The following P2RX4 variants were observed in gnomAD, a reference collection of about 807,000 sequenced individuals.
The protein encoded by P2RX4 is purinergic receptor P2X 4, also known as P2X purinoceptor 4.
A neutral mutation model predicts 48.0 loss-of-function variants in P2RX4; 37 were observed. That is an observed-to-expected ratio of 0.77 (90% confidence interval 0.59 to 1.01). The LOEUF (loss-of-function observed/expected upper bound fraction) is 1.01, where lower values mean the gene tolerates loss of function less well. Ranked by LOEUF, P2RX4 falls within the 50% of genes least tolerant of loss-of-function variation. The probability of loss-of-function intolerance (pLI) is 0.00; values close to 1 mark genes in which losing one functional copy is unlikely to be tolerated. For synonymous variants in P2RX4, 200 were observed against 199.7 expected, an observed-to-expected ratio of 1.00 and a Z score of -0.01; for missense variants, 501 against 521.4, an observed-to-expected ratio of 0.96 and a Z score of 0.38.
At chr12:121,224,990 G>C (rs185656689) in intron 5 of P2RX4, among the ~76,000 whole-genome samples, 2 of 152,296 alleles carry the variant, frequency 1.3e-5, no homozygotes, top group African/African-American at 2.4e-5. Flanking sequence ...CTCTGGCCAC[G>C]CGTGGCTATT....
chr12:121,220,928 T>C (rs1303466024), intron 2 of P2RX4, among the ~76,000 whole-genome samples: 1 of 152,128 alleles, frequency 6.6e-6, no homozygotes, highest in East Asian at 1.9e-4. Flanking sequence ...CAGCATCATG[T>C]TTTTGGGGTT....
At chr12:121,220,804 C>G (rs571407624) in intron 2 of P2RX4, among the ~76,000 whole-genome samples, 26 of 152,286 alleles carry the variant, frequency 1.7e-4, no homozygotes, top group Admixed American at 7.2e-4. Context: ...TTCCCCACTT[C>G]TCTCACTCCC....
intron 11 of P2RX4, 107 bp from the exon 12 acceptor site, chr12:121,233,416 G>A (rs944520120): frequency 3.2e-6 from 4 of 1,241,142 alleles, no homozygotes; most frequent in Non-Finnish European, 4.6e-6. Flanking sequence ...CCAGGCCTGG[G>A]ACCAACTTGA....
At position 121,233,607 on chromosome 12, in the gene P2RX4, G is replaced by A; in HGVS notation, c.*58G>A. The A allele has an allele frequency of 6.3e-7, 1 of 1,582,582 alleles. No individual in the cohort carries two copies. The highest frequency in any genetic ancestry group is 1.1e-5 in the South Asian group (1 of 87,298). ...CATCAAAGAACAGAGAGGAGGAGGAGGGAGAAATGGCCACCACATCACCCC... is the reference window on the plus strand; with the variant it reads ...CATCAAAGAACAGAGAGGAGGAGGAAGGAGAAATGGCCACCACATCACCCC... On this transcript the variant is annotated 3_prime_UTR_variant, in exon 12 of 12. Transcript: ENST00000337233.
intron 1 of P2RX4, among the ~76,000 whole-genome samples, chr12:121,210,988 A>G (rs1885798567): frequency 6.6e-6 from 1 of 152,014 alleles, no homozygotes; most frequent in South Asian, 2.1e-4. Flanking sequence ...TCTTTTGATC[A>G]CTATGCGGTG....
chr12:121,212,197 T>C (rs764299483), intron 1 of P2RX4, among the ~76,000 whole-genome samples: 1 of 152,184 alleles, frequency 6.6e-6, no homozygotes, highest in Non-Finnish European at 1.5e-5. Context: ...AGGTTTGGCT[T>C]CCAATATCTG....
Position 121,229,724 on chromosome 12 carries a change from C to G in P2RX4, c.884+625C>G, listed in dbSNP as rs1887220396. The stretch of plus-strand genomic sequence containing the variant: ...AGGCATCAGCAGGGCTGTGCTCGCT[C>G]TGAAGGCTCTGGAGAGAGTCCTTAC... On this transcript the variant is annotated intron_variant, in intron 8 of 11. Transcript: ENST00000337233. This position sits in a 1 kb window ranked among gnomAD's most constrained non-coding sequence, Gnocchi z 4.6. Among the ~76,000 whole-genome samples the G allele has an allele frequency of 6.6e-6, 1 of 152,206 alleles. No homozygotes were observed. The highest frequency in any genetic ancestry group is 1.9e-4 in the East Asian group (1 of 5,208).
intron 5 of P2RX4, 39 bp downstream of exon 5, chr12:121,223,082 T>C: frequency 7.4e-7 from 1 of 1,344,734 alleles, no homozygotes; most frequent in Non-Finnish European, 1.1e-6. Context: ...CTTTTTGTTT[T>C]GTTTTGTTTT....
In P2RX4 at chr12:121,229,152, C is replaced by T. The variant is rs928467347; in HGVS notation, c.884+53C>T. On this transcript the variant is annotated intron_variant, in intron 8 of 11. Transcript: ENST00000337233. This position sits in a 1 kb window ranked among gnomAD's most constrained non-coding sequence, Gnocchi z 4.6. ...ATGTTGTAGGGGGTGCTGGTGGCTG[C>T]GTACGTGCCAGTGGGCCGCCCACTG... is the stretch of plus-strand genomic sequence containing the variant. 38 of 1,606,202 alleles carry T rather than the reference C, an allele frequency of 2.4e-5. No individual in the cohort carries two copies. In the Admixed American group the frequency reaches 3.3e-4, roughly 14 times the overall value.
At chr12:121,225,172 A>G (rs926281118) in intron 5 of P2RX4, among the ~76,000 whole-genome samples, 1 of 149,022 alleles carries the variant, frequency 6.7e-6, no homozygotes, top group Non-Finnish European at 1.5e-5. Flanking sequence ...TCCCGGGTTC[A>G]AGTGATTCTC....
Position 121,234,043 on chromosome 12 carries a change from TCTC to T in P2RX4, c.*498_*500del. The T allele has an allele frequency of 5.2e-6, 1 of 190,930 alleles. No homozygotes were observed. The highest frequency in any genetic ancestry group is 1.1e-4 in the South Asian group (1 of 9,016). The allele number at this position is 190,930 out of a possible 1,614,324, so 11.8% of individuals were successfully genotyped here. A position where few individuals can be genotyped will look rare whatever the true frequency, so the allele number is the denominator to read the frequency against. On this transcript the variant is annotated 3_prime_UTR_variant, in exon 12 of 12. Coordinates refer to ENST00000337233, the MANE Select transcript of P2RX4 (RefSeq NM_002560.3). ...GCAGCCATGCGGCAGAGCTGGCATTTCTCCTCAGAGAAGCGCTGTGCTAAGGTG... is the reference window on the plus strand; with the variant it reads ...GCAGCCATGCGGCAGAGCTGGCATTTCTCAGAGAAGCGCTGTGCTAAGGTG...
At chr12:121,227,501 G>A (rs965986800) in intron 5 of P2RX4, among the ~76,000 whole-genome samples, 1 of 152,210 alleles carries the variant, frequency 6.6e-6, no homozygotes, top group African/African-American at 2.4e-5. Context: ...GCTTTGACCT[G>A]TAAAACCGGA....
chr12:121,213,390 C>T (rs1020509231), intron 1 of P2RX4: 2 of 151,932 alleles, frequency 1.3e-5, no homozygotes, highest in Non-Finnish European at 2.9e-5. Flanking sequence ...ATCACACCAC[C>T]CTCCAGCCTG....
In P2RX4 at chr12:121,229,052, C is replaced by T. The variant is rs753379985; in HGVS notation, c.837C>T (p.Leu279=). ...LCLPRYSFRR[L]DTRDVEHNVS... ...TGCCCAGGTACTCCTTCCGCCGCCT[C>T]GATACACGGGACGTTGAGCACAACG... Residue 279 remains leucine, a synonymous_variant, in exon 8 of 12, where the codon CTC becomes CTT. Coordinates refer to ENST00000337233, the MANE Select transcript of P2RX4 (RefSeq NM_002560.3). This position sits in a 1 kb window ranked among gnomAD's most constrained non-coding sequence, Gnocchi z 4.6. 2.7e-5 allele frequency: 44 copies of T among 1,613,970 alleles called. No homozygotes were observed. The highest frequency in any genetic ancestry group is 7.7e-5 in the South Asian group (7 of 91,088).
In P2RX4 at chr12:121,232,719, G is replaced by C; in HGVS notation, c.1044+43G>C. The C allele has an allele frequency of 6.5e-7, 1 of 1,527,722 alleles. No individual in the cohort carries two copies. The highest frequency in any genetic ancestry group is 9.1e-7 in the Non-Finnish European group (1 of 1,101,718). The allele number at this position is 1,527,722 out of a possible 1,614,324, so 94.6% of individuals were successfully genotyped here. A position where few individuals can be genotyped will look rare whatever the true frequency, so the allele number is the denominator to read the frequency against. ...TGCCTTCACCCTCACGGTGAGGTGA[G>C]ACCCTGGGCTGGGGTCCTGGTCCTG... On this transcript the variant is annotated intron_variant, in intron 10 of 11. Coordinates refer to ENST00000337233, the MANE Select transcript of P2RX4 (RefSeq NM_002560.3). This position sits in a 1 kb window ranked among gnomAD's most constrained non-coding sequence, Gnocchi z 4.3.
intron 5 of P2RX4, chr12:121,223,355 C>A (rs1350793770): frequency 5.0e-5 from 18 of 362,894 alleles, no homozygotes; most frequent in Non-Finnish European, 8.9e-5. Flanking sequence ...GGATTACAGG[C>A]GGGAGCCACC....
At chr12:121,222,038 C>A in intron 3 of P2RX4, 54 bp downstream of exon 3, 1 of 1,595,906 alleles carries the variant, frequency 6.3e-7, no homozygotes, top group Non-Finnish European at 8.6e-7. Context: ...CACGCCTGTC[C>A]ACCTGTGTGT....
At position 121,232,747 on chromosome 12, in the gene P2RX4, C is replaced by T. The variant is rs1887452990; in HGVS notation, c.1044+71C>T. 1.6e-6 allele frequency: 2 copies of T among 1,281,248 alleles called. No individual in the cohort carries two copies. The highest frequency in any genetic ancestry group is 2.3e-6 in the Non-Finnish European group (2 of 879,108). The allele number at this position is 1,281,248 out of a possible 1,614,324, so 79.4% of individuals were successfully genotyped here. A position where few individuals can be genotyped will look rare whatever the true frequency, so the allele number is the denominator to read the frequency against. ...CCTGGGCTGGGGTCCTGGTCCTGGC[C>T]CTAGGCCCTAGACCTCAGATGTGTT... On this transcript the variant is annotated intron_variant, in intron 10 of 11. Transcript: ENST00000337233. This position sits in a 1 kb window ranked among gnomAD's most constrained non-coding sequence, Gnocchi z 4.3.
intron 2 of P2RX4, among the ~76,000 whole-genome samples, chr12:121,217,626 G>A (rs1002796035): frequency 1.3e-5 from 2 of 151,994 alleles, no homozygotes; most frequent in African/African-American, 4.8e-5. Flanking sequence ...AATCTTTTCA[G>A]ACAGTGTAAA....
Sources: gnomAD v4.1 joint callset for allele counts (sites outside exome capture counted in the v4.1 genomes callset) on GRCh38, gnomAD v4.1.1 for gene constraint, Gnocchi (gnomAD v3.1) non-coding constraint, MANE v1.5 for transcripts, NCBI Gene and HGNC (gene_info 2026-07-23, HGNC 2026-07-21) for gene names.